Variants in ADAMTS3 observed in about 807,000 individuals in gnomAD.
The protein encoded by ADAMTS3 is ADAM metallopeptidase with thrombospondin type 1 motif 3, also known as A disintegrin and metalloproteinase with thrombospondin motifs 3.
Under a neutral mutation model 129.0 loss-of-function variants are expected in ADAMTS3, and 73 were observed. The ratio of observed to expected loss-of-function variants is 0.57; its 90% CI spans 0.47 to 0.69. The LOEUF (loss-of-function observed/expected upper bound fraction) is 0.69. Among genes scored for constraint, ADAMTS3 ranks in the 30% least tolerant of loss-of-function variants. ADAMTS3 has a pLI of 0.00. For synonymous variants in ADAMTS3, 477 were observed against 510.8 expected (o/e 0.93, Z 0.89); for missense variants, 1,457 against 1,514.5 (o/e 0.96, Z 0.63).
chr4:72,445,089 T>G (rs1020128705), intron 3 of ADAMTS3, among the ~76,000 whole-genome samples: 2 of 151,632 alleles, frequency 1.3e-5, no homozygotes, highest in African/African-American at 4.8e-5. Context: ...GCACGTGGTT[T>G]ATTTTTGAGA....
intron 6 of ADAMTS3, among the ~76,000 whole-genome samples, chr4:72,322,809 G>A (rs1719592308): frequency 6.6e-6 from 1 of 152,110 alleles, no homozygotes; most frequent in Non-Finnish European, 1.5e-5. Context: ...AAATAAGCAA[G>A]TGGCAGCTGC....
At chr4:72,436,372 A>C (rs1717926492) in intron 3 of ADAMTS3, among the ~76,000 whole-genome samples, 1 of 152,088 alleles carries the variant, frequency 6.6e-6, no homozygotes, top group Non-Finnish European at 1.5e-5. Flanking sequence ...GCTGGAGAGG[A>C]TGTGGAGAAA....
chr4:72,312,478 A>G lies in ADAMTS3; in HGVS notation c.1746-12T>C, dbSNP rs778415621. 5.8e-5 allele frequency: 93 copies of G among 1,612,306 alleles called. No homozygotes were observed. Among genetic ancestry groups the G allele is most frequent in the Non-Finnish European group, 7.2e-5 (85 of 1,179,040 alleles). On this transcript the variant is annotated splice_polypyrimidine_tract_variant and intron_variant, in intron 12 of 21. Transcript: ENST00000286657. Reference sequence around the variant, plus strand: ...CACCATTGATGGGCCTAAAGAAAAGACAACATTTAAAAAGGCCTTTTGGCT... The same window carrying G: ...CACCATTGATGGGCCTAAAGAAAAGGCAACATTTAAAAAGGCCTTTTGGCT...
At chr4:72,317,983 T>TG (rs919752122) in intron 10 of ADAMTS3, among the ~76,000 whole-genome samples, 1 of 150,990 alleles carries the variant, frequency 6.6e-6, no homozygotes, top group Non-Finnish European at 1.5e-5. Flanking sequence ...GAGCTGAGAT[T>TG]GCACCACTGC....
intron 19 of ADAMTS3, among the ~76,000 whole-genome samples, chr4:72,294,236 G>T (rs942875443): frequency 6.6e-6 from 1 of 152,050 alleles, no homozygotes; most frequent in African/African-American, 2.4e-5. Flanking sequence ...TCCATATGTG[G>T]AATCTATAAA....
chr4:72,321,539 T>C (rs1333659287), intron 6 of ADAMTS3, among the ~76,000 whole-genome samples: 1 of 152,112 alleles, frequency 6.6e-6, no homozygotes, highest in Non-Finnish European at 1.5e-5. Context: ...TAATTTCTGA[T>C]TTGGCTTAGA....
chr4:72,369,035 C>T (rs935877547), intron 4 of ADAMTS3, among the ~76,000 whole-genome samples: 3 of 152,110 alleles, frequency 2.0e-5, no homozygotes, highest in African/African-American at 7.2e-5. Context: ...ATTCTGTGTT[C>T]TCACAAATGG....
intron 4 of ADAMTS3, among the ~76,000 whole-genome samples, chr4:72,355,766 T>C (rs1044845190): frequency 3.9e-5 from 6 of 152,058 alleles, no homozygotes; most frequent in African/African-American, 1.4e-4. Flanking sequence ...AAATTTATCT[T>C]CTTTATAAAT....
chr4:72,362,193 G>A (rs1010087400), intron 4 of ADAMTS3, among the ~76,000 whole-genome samples: 1 of 152,000 alleles, frequency 6.6e-6, no homozygotes, highest in Non-Finnish European at 1.5e-5. Flanking sequence ...GGGAGGGTAG[G>A]TGCCCTATTT....
intron 18 of ADAMTS3, 136 bp from the exon 19 acceptor site, chr4:72,295,922 A>T (rs1030102137): frequency 2.8e-6 from 3 of 1,057,208 alleles, no homozygotes; most frequent in Non-Finnish European, 4.0e-6. Context: ...CCGGCACTTC[A>T]ATAGGTGCTG....
intron 4 of ADAMTS3, among the ~76,000 whole-genome samples, chr4:72,349,310 C>A (rs1265240094): frequency 6.6e-6 from 1 of 151,930 alleles, no homozygotes; most frequent in Non-Finnish European, 1.5e-5. Flanking sequence ...GCTGTTTGAT[C>A]ATACATGATT....
At chr4:72,494,060 C>T (rs572627776) in intron 3 of ADAMTS3, among the ~76,000 whole-genome samples, 1 of 152,070 alleles carries the variant, frequency 6.6e-6, no homozygotes, top group Non-Finnish European at 1.5e-5. Flanking sequence ...TAGTCTTCTT[C>T]GGGTTTATCA....
chr4:72,499,626 A>C lies in ADAMTS3; in HGVS notation c.504+48852T>G, dbSNP rs144559096. On this transcript the variant is annotated intron_variant, in intron 3 of 21. Transcript: ENST00000286657. ...TTCTTTAAATTTTTCCATTTTTGAT[A>C]ATTTCAACTTTTATTTTAGATTCGG... Among the ~76,000 whole-genome samples, 394 of 152,170 alleles carry C rather than the reference A, an allele frequency of 2.6e-3. 2 individuals carry two copies. The highest frequency in any genetic ancestry group is 9.1e-3 in the African/African-American group (380 of 41,556).
At chr4:72,427,827 C>T (rs1354709435) in intron 3 of ADAMTS3, among the ~76,000 whole-genome samples, 2 of 151,970 alleles carry the variant, frequency 1.3e-5, no homozygotes, top group Non-Finnish European at 1.5e-5. Context: ...CTTCTCCTCT[C>T]CTAGTATGTT....
chr4:72,465,904 C>T (rs887136851), intron 3 of ADAMTS3, among the ~76,000 whole-genome samples: 1 of 151,942 alleles, frequency 6.6e-6, no homozygotes, highest in Non-Finnish European at 1.5e-5. Flanking sequence ...TTGTCTGCCA[C>T]CATGTAAGAT....
intron 4 of ADAMTS3, among the ~76,000 whole-genome samples, chr4:72,383,006 T>C (rs1323461366): frequency 1.3e-5 from 2 of 151,984 alleles, no homozygotes; most frequent in East Asian, 3.9e-4. Flanking sequence ...AACCTGCATA[T>C]GCACCCCCTG....
chr4:72,338,110 ATGG>A (rs1253183784), intron 5 of ADAMTS3, among the ~76,000 whole-genome samples: 1 of 152,156 alleles, frequency 6.6e-6, no homozygotes, highest in African/African-American at 2.4e-5. Flanking sequence ...ACTGTAAATA[ATGG>A]ATGACTTGTA....
At chr4:72,299,929 TA>T (rs563647419) in intron 17 of ADAMTS3, among the ~76,000 whole-genome samples, 1 of 152,078 alleles carries the variant, frequency 6.6e-6, no homozygotes. Flanking sequence ...AAGCTGCCTT[TA>T]AAAAAATTGA....
At chr4:72,448,272 G>C (rs1407682063) in intron 3 of ADAMTS3, among the ~76,000 whole-genome samples, 2 of 151,762 alleles carry the variant, frequency 1.3e-5, no homozygotes, top group African/African-American at 4.8e-5. Flanking sequence ...TGGGAAGCGA[G>C]CAAGCATCTT....
Sources: allele counts gnomAD v4.1 joint callset (sites outside exome capture counted in the v4.1 genomes callset), GRCh38; gene constraint gnomAD v4.1.1; transcripts MANE v1.5; gene names NCBI Gene and HGNC (gene_info 2026-07-23, HGNC 2026-07-21).